TMOD3: variants seen among roughly 807,000 people sequenced by gnomAD.
The protein encoded by TMOD3 is tropomodulin-3.
TMOD3 carries 20 observed loss-of-function variants against 39.2 expected under a neutral mutation model. The ratio of observed to expected loss-of-function variants is 0.51; its 90% CI spans 0.36 to 0.74. The LOEUF (loss-of-function observed/expected upper bound fraction) is 0.74. Among genes scored for constraint, TMOD3 ranks in the 30% least tolerant of loss-of-function variants. The probability of loss-of-function intolerance (pLI) is 0.00; values close to 1 mark genes in which losing one functional copy is unlikely to be tolerated. For synonymous variants in TMOD3, 143 were observed against 145.8 expected (o/e 0.98, Z 0.14); for missense variants, 381 against 412.8 (o/e 0.92, Z 0.67).
chr15:51,865,421 C>T (rs2056440508), intron 2 of TMOD3, among the ~76,000 whole-genome samples: 2 of 152,038 alleles, frequency 1.3e-5, no homozygotes, highest in South Asian at 4.2e-4. Context: ...TGATTGATAC[C>T]TGGCAGTCTA....
At chr15:51,901,386 C>T (rs1209291940) in intron 8 of TMOD3, 1 of 153,064 alleles carries the variant, frequency 6.5e-6, no homozygotes, top group African/African-American at 2.4e-5. Flanking sequence ...GCCAGTTTTC[C>T]ACAGTAGCTG....
chr15:51,893,814 G>C lies in TMOD3; in HGVS notation c.497-1G>C, dbSNP rs1489324364. On this transcript the variant is annotated splice_acceptor_variant, in intron 5 of 9. Transcript: ENST00000308580. LOFTEE classifies it high-confidence loss of function. ...CCTGCTCTTTTCATTTATCACTGCA[G>C]ATGTGGTCAAAGGTGAAAAGATTCT... 1.9e-6 allele frequency: 3 copies of C among 1,590,214 alleles called. No individual in the cohort carries two copies. Among genetic ancestry groups the C allele is most frequent in the Non-Finnish European group, 8.6e-7 (1 of 1,167,820 alleles).
intron 5 of TMOD3, 89 bp from the exon 6 acceptor site, chr15:51,893,725 AC>A: frequency 7.9e-7 from 1 of 1,273,702 alleles, no homozygotes; most frequent in East Asian, 2.8e-5. Flanking sequence ...AGATCGTGCC[AC>A]TGCACTCCGG....
chr15:51,859,601 T>C (rs1940841953), intron 1 of TMOD3: 1 of 574,582 alleles, frequency 1.7e-6, no homozygotes, highest in African/African-American at 1.9e-5. Flanking sequence ...TCTTAAAGAT[T>C]GCCTCGGTGT....
intron 3 of TMOD3, among the ~76,000 whole-genome samples, chr15:51,871,022 T>A (rs1168505686): frequency 1.3e-5 from 2 of 152,070 alleles, no homozygotes; most frequent in Non-Finnish European, 2.9e-5. Flanking sequence ...GTCTGCTGAT[T>A]TAAATTTTAA....
At chr15:51,886,112 G>A (rs1033425420) in intron 3 of TMOD3, among the ~76,000 whole-genome samples, 3 of 151,890 alleles carry the variant, frequency 2.0e-5, no homozygotes, top group East Asian at 3.9e-4. Flanking sequence ...ACGGGGTGGC[G>A]GTCGGGCAGA....
intron 1 of TMOD3, among the ~76,000 whole-genome samples, chr15:51,834,181 C>G (rs2623253): frequency 0.062 from 9,412 of 152,026 alleles, 651 homozygotes; most frequent in African/African-American, 0.16. Flanking sequence ...GGTACAAGTT[C>G]TTTGTCACAT....
At chr15:51,880,917 G>A (rs115241025) in intron 3 of TMOD3, among the ~76,000 whole-genome samples, 1,714 of 152,146 alleles carry the variant, frequency 0.011, 33 homozygotes, top group African/African-American at 0.04. Context: ...AAGTGGCTGC[G>A]GTATTGTACC....
At chr15:51,833,734 G>A (rs1411752358) in intron 1 of TMOD3, among the ~76,000 whole-genome samples, 1 of 152,144 alleles carries the variant, frequency 6.6e-6, no homozygotes, top group East Asian at 1.9e-4. Context: ...TTGTATGAAT[G>A]TACCCCAATT....
intron 3 of TMOD3, among the ~76,000 whole-genome samples, chr15:51,874,336 G>A (rs1420200333): frequency 6.6e-6 from 1 of 152,180 alleles, no homozygotes; most frequent in Admixed American, 6.5e-5. Flanking sequence ...ATGAAAAGAA[G>A]AAAGTAATCC....
intron 1 of TMOD3, chr15:51,859,850 C>T (rs1037873293): frequency 1.9e-6 from 1 of 524,618 alleles, no homozygotes; most frequent in Non-Finnish European, 3.9e-6. Flanking sequence ...AGCAACAACT[C>T]AAGTCAACTG....
chr15:51,869,330 TA>T lies in TMOD3; in HGVS notation c.243del (p.Asp82ThrfsTer38). On this transcript the variant is annotated frameshift_variant, in exon 3 of 10. Coordinates refer to ENST00000308580, the MANE Select transcript of TMOD3 (RefSeq NM_014547.5). LOFTEE classifies it high-confidence loss of function. Reference protein sequence around the residue: ...SYLEKEALEHKDREDYVPYTG... With the variant: ...SYLEKEALEHXDREDYVPYTG... Reference sequence around the variant, plus strand: ...ATCTGGAGAAAGAAGCATTGGAGCATAAAGACAGGGAAGACTATGTGCCCTA... The same window carrying T: ...ATCTGGAGAAAGAAGCATTGGAGCATAAGACAGGGAAGACTATGTGCCCTA... 1 of 1,613,962 alleles carries T rather than the reference TA, an allele frequency of 6.2e-7. No individual in the cohort carries two copies. The highest frequency in any genetic ancestry group is 8.5e-7 in the Non-Finnish European group (1 of 1,179,968).
intron 3 of TMOD3, among the ~76,000 whole-genome samples, chr15:51,871,619 A>G (rs1400117951): frequency 6.6e-6 from 1 of 152,228 alleles, no homozygotes; most frequent in Non-Finnish European, 1.5e-5. Context: ...CATAATCTCC[A>G]GTTACCTAGG....
intron 9 of TMOD3, among the ~76,000 whole-genome samples, chr15:51,905,759 A>G (rs2056675222): frequency 6.6e-6 from 1 of 152,076 alleles, no homozygotes; most frequent in South Asian, 2.1e-4. Flanking sequence ...TTTTGGTAAC[A>G]AGGTGAAACC....
At chr15:51,893,318 AAAAAAT>A (rs1469385499) in intron 5 of TMOD3, among the ~76,000 whole-genome samples, 4 of 148,690 alleles carry the variant, frequency 2.7e-5, no homozygotes, top group South Asian at 2.1e-4. Context: ...AAAAAAAAAA[AAAAAAT>A]TAAATAAATA....
chr15:51,869,232 G>T lies in TMOD3; in HGVS notation c.142G>T (p.Ala48Ser), dbSNP rs1413736723. Residue 48 changes from alanine (A) to serine (S), a missense_variant, in exon 3 of 10, where the codon GCA (alanine) becomes TCA (serine). Coordinates refer to ENST00000308580, the MANE Select transcript of TMOD3 (RefSeq NM_014547.5). ...TCTCTGGCAGAATGCCCTTCTGCCT[G>T]CAGGGTTCCGGCAGAAGAACCAGAC... ...DLDPENALLP[A>S]GFRQKNQTSK... is the part of the protein sequence containing the mutation. 1 of 1,613,780 alleles carries T rather than the reference G, an allele frequency of 6.2e-7. No homozygotes were observed. The highest frequency in any genetic ancestry group is 1.1e-5 in the South Asian group (1 of 90,984).
chr15:51,862,725 A>G (rs2056425271), intron 1 of TMOD3, 86 bp from the exon 2 acceptor site: 4 of 546,594 alleles, frequency 7.3e-6, no homozygotes, highest in Non-Finnish European at 1.2e-5. Flanking sequence ...ACACATGGAA[A>G]TTACATTTCA....
At chr15:51,905,921 G>GCAGTCC (rs1566869533) in intron 9 of TMOD3, among the ~76,000 whole-genome samples, 23 of 129,796 alleles carry the variant, frequency 1.8e-4, no homozygotes, top group Admixed American at 5.2e-4. Flanking sequence ...TCCGCAGTCC[G>GCAGTCC]GCCTGGGCAA....
intron 2 of TMOD3, among the ~76,000 whole-genome samples, chr15:51,865,232 T>C (rs780001141): frequency 3.3e-5 from 5 of 152,128 alleles, no homozygotes; most frequent in Non-Finnish European, 5.9e-5. Flanking sequence ...TCCCCCTGAG[T>C]TGACAACCAA....
Sources: gnomAD v4.1 joint callset for allele counts (sites outside exome capture counted in the v4.1 genomes callset) on GRCh38, gnomAD v4.1.1 for gene constraint, MANE v1.5 for transcripts, NCBI Gene and HGNC (gene_info 2026-07-23, HGNC 2026-07-21) for gene names.